ZFP14: variants seen among roughly 807,000 people sequenced by gnomAD.
ZFP14 encodes the protein zinc finger protein 14 homolog.
ZFP14 carries 22 observed loss-of-function variants against 54.5 expected under a neutral mutation model. That is an observed-to-expected ratio of 0.40 (90% CI 0.29 to 0.58). The LOEUF (loss-of-function observed/expected upper bound fraction) is 0.58, where lower values mean the gene tolerates loss of function less well. Ranked by LOEUF, ZFP14 falls within the 20% of genes least tolerant of loss-of-function variation. The pLI is 0.39. For synonymous variants in ZFP14, 159 were observed against 204.0 expected (o/e 0.78, Z 1.88); for missense variants, 470 against 637.8 (o/e 0.74, Z 2.83).
At chr19:36,360,581 T>A (rs756709937) in intron 3 of ZFP14, 48 bp from the exon 4 acceptor site, 3 of 1,526,474 alleles carry the variant, frequency 2.0e-6, no homozygotes, top group Non-Finnish European at 2.7e-6. Context: ...AGAAAATCTT[T>A]AGATTTAGAT....
chr19:36,372,221 G>T (rs906189712), intron 1 of ZFP14, among the ~76,000 whole-genome samples: 2 of 151,690 alleles, frequency 1.3e-5, no homozygotes, highest in African/African-American at 4.8e-5. Context: ...ATGGCCCAAA[G>T]TTAGAAGGAA....
intron 1 of ZFP14, among the ~76,000 whole-genome samples, chr19:36,375,699 A>T (rs949713770): frequency 1.3e-5 from 2 of 151,818 alleles, no homozygotes; most frequent in Non-Finnish European, 2.9e-5. Context: ...CTGGGACTAC[A>T]GGTGCCCGCC....
intron 2 of ZFP14, among the ~76,000 whole-genome samples, chr19:36,366,083 G>A (rs1408572695): frequency 6.6e-6 from 1 of 151,614 alleles, no homozygotes; most frequent in Non-Finnish European, 1.5e-5. Flanking sequence ...TGGCCGACAT[G>A]GTGAAACCCC....
chr19:36,373,507 T>C (rs1433716051), intron 1 of ZFP14, among the ~76,000 whole-genome samples: 1 of 152,022 alleles, frequency 6.6e-6, no homozygotes, highest in Non-Finnish European at 1.5e-5. Context: ...CAATATATTG[T>C]ATTACTGAAA....
At chr19:36,353,339 T>C (rs1826317730) in intron 4 of ZFP14, among the ~76,000 whole-genome samples, 1 of 142,958 alleles carries the variant, frequency 7.0e-6, no homozygotes, top group African/African-American at 2.6e-5. Flanking sequence ...AGCCTCCTAG[T>C]GGGTCTTCAA....
intron 4 of ZFP14, among the ~76,000 whole-genome samples, chr19:36,357,073 C>T (rs565551082): frequency 1.9e-4 from 29 of 152,216 alleles, no homozygotes; most frequent in African/African-American, 7.0e-4. Flanking sequence ...GACAGAGTCC[C>T]ACTCTGTCAC....
In ZFP14 at chr19:36,340,521, C is replaced by G; in HGVS notation, c.1305G>C (p.Leu435=). ...ECEECGKAFR[L]LSQLTQHQSI... ...TTTGATGCTGAGTAAGTTGTGAGAG[C>G]AGTCTAAAGGCCTTTCCACACTCTT... The change falls in exon 5 of 5, where the codon CTG becomes CTC. Residue 435 remains leucine (L), a synonymous_variant. Coordinates refer to ENST00000270001, the MANE Select transcript of ZFP14 (RefSeq NM_020917.3). The surrounding 1 kb of genome is among the most constrained non-coding windows in gnomAD (Gnocchi z 5.4). The G allele has an allele frequency of 6.2e-7, 1 of 1,613,946 alleles. No homozygotes were observed. The highest frequency in any genetic ancestry group is 8.5e-7 in the Non-Finnish European group (1 of 1,179,976).
At chr19:36,358,251 C>T (rs796659782) in intron 4 of ZFP14, among the ~76,000 whole-genome samples, 89 of 152,050 alleles carry the variant, frequency 5.9e-4, no homozygotes, top group African/African-American at 2.1e-3. Flanking sequence ...GCTGGGATTA[C>T]AGGCGTGCGC....
At chr19:36,360,295 T>A (rs564651383) in intron 4 of ZFP14, 140 bp downstream of exon 4, 1 of 528,662 alleles carries the variant, frequency 1.9e-6, no homozygotes, top group African/African-American at 1.9e-5. Flanking sequence ...TTAATTTGCT[T>A]CAAGTCCCAA....
intron 4 of ZFP14, among the ~76,000 whole-genome samples, chr19:36,354,544 C>T (rs1402392642): frequency 7.0e-6 from 1 of 141,986 alleles, no homozygotes; most frequent in Non-Finnish European, 1.6e-5. Context: ...CCCCTCAGCC[C>T]ACCCAAAGCC....
intron 1 of ZFP14, among the ~76,000 whole-genome samples, chr19:36,377,193 C>T (rs1184021993): frequency 6.6e-6 from 1 of 152,216 alleles, no homozygotes; most frequent in African/African-American, 2.4e-5. Context: ...GAACTCAGGG[C>T]GGTGGGGATC....
At chr19:36,360,345 C>A in intron 4 of ZFP14, 90 bp downstream of exon 4, 1 of 1,134,530 alleles carries the variant, frequency 8.8e-7, no homozygotes, top group Non-Finnish European at 1.2e-6. Flanking sequence ...GAAGAGAGAC[C>A]CCAACATCTC....
At chr19:36,360,665 G>T in intron 3 of ZFP14, 132 bp from the exon 4 acceptor site, 1 of 712,388 alleles carries the variant, frequency 1.4e-6, no homozygotes, top group Non-Finnish European at 2.2e-6. Flanking sequence ...TTGCAAGGGA[G>T]TTGAAGAATG....
intron 4 of ZFP14, among the ~76,000 whole-genome samples, chr19:36,344,849 T>A (rs1322208427): frequency 2.0e-5 from 3 of 152,238 alleles, no homozygotes; most frequent in Non-Finnish European, 4.4e-5. Flanking sequence ...GGAAACATTG[T>A]CTTCCACAAA....
At chr19:36,345,945 T>G (rs930862401) in intron 4 of ZFP14, among the ~76,000 whole-genome samples, 1 of 151,976 alleles carries the variant, frequency 6.6e-6, no homozygotes, top group African/African-American at 2.4e-5. Context: ...AAGAAATAGA[T>G]TAAAATGAAA....
At position 36,339,292 on chromosome 19, in the gene ZFP14, C is replaced by T. The variant is rs2031263965; in HGVS notation, c.*932G>A. 1 of 152,120 alleles carries T rather than the reference C, an allele frequency of 6.6e-6. No homozygotes were observed. The highest frequency in any genetic ancestry group is 1.5e-5 in the Non-Finnish European group (1 of 68,026). The allele number at this position is 152,120 out of a possible 1,614,324, so 9.4% of individuals were successfully genotyped here. On this transcript the variant is annotated 3_prime_UTR_variant, in exon 5 of 5. Coordinates refer to ENST00000270001, the MANE Select transcript of ZFP14 (RefSeq NM_020917.3). ...GAATACATGCTATATGACTGTGATTCCTCCAAGTATTAACTACTTACTCCT... is the reference window on the plus strand; with the variant it reads ...GAATACATGCTATATGACTGTGATTTCTCCAAGTATTAACTACTTACTCCT...
chr19:36,355,481 C>T lies in ZFP14; in HGVS notation c.235+4954G>A, dbSNP rs1469450006. Among the ~76,000 whole-genome samples, 8 of 141,224 alleles carry T rather than the reference C, an allele frequency of 5.7e-5. 1 individual carries two copies. Among genetic ancestry groups the T allele is most frequent in the Non-Finnish European group, 9.4e-5 (6 of 63,934 alleles). 92.6% of individuals were successfully genotyped at this position (141,224 alleles called of 152,430 possible). On this transcript the variant is annotated intron_variant, in intron 4 of 4. Transcript: ENST00000270001. ...TCACTTGAGCCCAGGAGTTCAAGAA[C>T]AGCCTAGGGAATACAGGGAGATCTC...
rs760340837 is a variant in ZFP14, at chr19:36,341,349, A to T, written c.477T>A (p.Leu159=). ...CATTATGAACGATCTGATACTCAGT[A>T]AGAAAATTGTGCCTTTTGTAAGTGG... The part of the protein sequence containing the change: ...KMTTYKRHNF[L]TEYQIVHNGE... The change falls in exon 5 of 5, where the codon CTT becomes CTA. Residue 159 remains leucine, a synonymous_variant. Coordinates refer to ENST00000270001, the MANE Select transcript of ZFP14 (RefSeq NM_020917.3). The surrounding 1 kb of genome is among the most constrained non-coding windows in gnomAD (Gnocchi z 4.2). The T allele has an allele frequency of 9.3e-6, 15 of 1,614,182 alleles. No homozygotes were observed. In the South Asian group the frequency reaches 1.5e-4, roughly 17 times the overall value.
chr19:36,375,508 C>T (rs528276648), intron 1 of ZFP14, among the ~76,000 whole-genome samples: 14 of 151,842 alleles, frequency 9.2e-5, no homozygotes, highest in Admixed American at 2.0e-4. Context: ...CTGCCTCAGC[C>T]TCCCGAGTAG....
Sources: gnomAD v4.1 joint callset for allele counts (sites outside exome capture counted in the v4.1 genomes callset) on GRCh38, gnomAD v4.1.1 for gene constraint, Gnocchi (gnomAD v3.1) non-coding constraint, MANE v1.5 for transcripts, NCBI Gene and HGNC (gene_info 2026-07-23, HGNC 2026-07-21) for gene names.